The following DMD variants were observed in gnomAD, a reference collection of about 807,000 sequenced individuals.
DMD encodes mutant dystrophin.
A neutral mutation model predicts 330.1 loss-of-function variants in DMD; 63 were observed. That is an observed-to-expected ratio of 0.19 (90% confidence interval 0.16 to 0.24). The LOEUF (loss-of-function observed/expected upper bound fraction) is 0.24, where lower values mean the gene tolerates loss of function less well. Ranked by LOEUF, DMD falls within the 10% of genes least tolerant of loss-of-function variation. The pLI is 1.00. For missense variants in DMD, 3,344 were observed against 2,684.1 expected (o/e 1.25, Z -5.43); for synonymous variants, 1,223 against 959.8 (o/e 1.27, Z -5.07).
In DMD at chrX:31,147,480, T is replaced by C. The variant is rs886043324; in HGVS notation, c.10592A>G (p.His3531Arg). The change falls in exon 75 of 79, where the codon CAC (histidine) becomes CGC (arginine). Residue 3531 changes from histidine (H) to arginine (R), a missense_variant. His to Arg is a conservative substitution (Grantham distance 29). Transcript: ENST00000357033. The part of the protein sequence containing the change: ...QAEYDRLKQQ[H>R]EHKGLSPLPS... The stretch of plus-strand genomic sequence containing the variant: ...CAGTGGGGACAGGCCTTTATGTTCG[T>C]GCTGCTGCTTTAGACGGTCATATTC... 2.6e-5 allele frequency: 31 copies of C among 1,201,560 alleles called. No homozygotes were observed. The highest frequency in any genetic ancestry group is 4.4e-5 in the Admixed American group (2 of 45,133).
intron 1 of DMD, among the ~76,000 whole-genome samples, chrX:33,206,050 C>A (rs1237795949): frequency 9.0e-6 from 1 of 111,574 alleles, no homozygotes; most frequent in Admixed American, 9.6e-5. Context: ...TTTAATAATG[C>A]ATTTTAATGT....
chrX:32,374,292 G>A (rs2097892428), intron 34 of DMD, among the ~76,000 whole-genome samples: 1 of 111,511 alleles, frequency 9.0e-6, no homozygotes, highest in Non-Finnish European at 1.9e-5. Context: ...TTTCTGTACA[G>A]AAGCTTTAAT....
chrX:32,434,374 C>T (rs1049205762), intron 29 of DMD, among the ~76,000 whole-genome samples: 4 of 111,658 alleles, frequency 3.6e-5, no homozygotes, highest in Non-Finnish European at 7.5e-5. Context: ...CGTGCCATTG[C>T]ACTCCAGCCT....
chrX:31,865,773 T>C (rs2093788552), intron 48 of DMD, among the ~76,000 whole-genome samples: 1 of 100,960 alleles, frequency 9.9e-6, no homozygotes, highest in Non-Finnish European at 2.0e-5. Context: ...GTTTAGAACA[T>C]GGAAAATTCT....
intron 47 of DMD, among the ~76,000 whole-genome samples, chrX:31,897,084 C>T (rs1278480294): frequency 9.1e-6 from 1 of 109,478 alleles, no homozygotes; most frequent in Admixed American, 9.7e-5. Context: ...TCCCCCACCC[C>T]ACAACAGTCC....
intron 48 of DMD, among the ~76,000 whole-genome samples, chrX:31,868,397 C>T (rs1236133470): frequency 9.0e-6 from 1 of 111,536 alleles, no homozygotes; most frequent in Non-Finnish European, 1.9e-5. Flanking sequence ...CTGCCTGATC[C>T]CTGTAAAATT....
intron 52 of DMD, among the ~76,000 whole-genome samples, chrX:31,688,943 T>C (rs2082902144): frequency 8.9e-6 from 1 of 111,748 alleles, no homozygotes; most frequent in African/African-American, 3.3e-5. Flanking sequence ...AAACTCTCGA[T>C]AAATTAGGTA....
At chrX:32,811,918 A>T (rs1184281241) in intron 6 of DMD, among the ~76,000 whole-genome samples, 9 of 112,216 alleles carry the variant, frequency 8.0e-5, no homozygotes, top group African/African-American at 2.9e-4. Flanking sequence ...TAGGGAAGGA[A>T]AAAAGCAAAA....
At chrX:33,312,229 T>A (rs2148948591) in intron 1 of DMD, among the ~76,000 whole-genome samples, 1 of 111,029 alleles carries the variant, frequency 9.0e-6, no homozygotes, top group Non-Finnish European at 1.9e-5. Context: ...CATGCCATTT[T>A]TTTCAACCAG....
At chrX:31,227,575 C>T (rs1012440368) in intron 63 of DMD, among the ~76,000 whole-genome samples, 1 of 111,087 alleles carries the variant, frequency 9.0e-6, no homozygotes, top group Non-Finnish European at 1.9e-5. Context: ...ACTGACTTGG[C>T]AATGCGGGCT....
At position 31,444,466 on chromosome X, in the gene DMD, T is replaced by C; in HGVS notation, c.9084+15A>G. The C allele has an allele frequency of 8.3e-7, 1 of 1,210,365 alleles. No individual in the cohort carries two copies. The highest frequency in any genetic ancestry group is 1.7e-5 in the African/African-American group (1 of 57,760). ...TTACTGTAACAAAGGACAACAATGT[T>C]TACAATGTGCTTACCTGCAGAAGCT... On this transcript the variant is annotated intron_variant, in intron 60 of 78. Coordinates refer to ENST00000357033, the MANE Select transcript of DMD (RefSeq NM_004006.3).
At chrX:32,303,680 C>T (rs2097531022) in intron 42 of DMD, among the ~76,000 whole-genome samples, 1 of 110,651 alleles carries the variant, frequency 9.0e-6, no homozygotes, top group Non-Finnish European at 1.9e-5. Context: ...CCATTAGTAA[C>T]TGTTGTGACA....
intron 7 of DMD, among the ~76,000 whole-genome samples, chrX:32,731,084 C>G (rs1412580150): frequency 8.9e-6 from 1 of 111,988 alleles, no homozygotes; most frequent in African/African-American, 3.2e-5. Context: ...CAGGGTGAGG[C>G]ATTGCCTCAC....
At chrX:33,067,093 A>T (rs2094674945) in intron 1 of DMD, among the ~76,000 whole-genome samples, 1 of 112,372 alleles carries the variant, frequency 8.9e-6, no homozygotes, top group Non-Finnish European at 1.9e-5. Flanking sequence ...AAACACAGTT[A>T]AATAAGCAAT....
chrX:33,327,289 C>A (rs1177651556), intron 1 of DMD, among the ~76,000 whole-genome samples: 1 of 111,545 alleles, frequency 9.0e-6, no homozygotes, highest in Non-Finnish European at 1.9e-5. Context: ...AGACTGAGAG[C>A]AAGTTGTTTC....
At chrX:31,798,103 T>C (rs752731138) in intron 50 of DMD, among the ~76,000 whole-genome samples, 1 of 112,327 alleles carries the variant, frequency 8.9e-6, no homozygotes, top group East Asian at 2.8e-4. Context: ...TTGTAAAATA[T>C]ATCGGGTTGA....
intron 48 of DMD, among the ~76,000 whole-genome samples, chrX:31,846,453 A>G (rs2093428462): frequency 1.1e-5 from 1 of 94,807 alleles, no homozygotes; most frequent in Non-Finnish European, 2.3e-5. Flanking sequence ...ACACACACAC[A>G]CACACACACA....
At chrX:31,995,633 G>A (rs1344201385) in intron 44 of DMD, among the ~76,000 whole-genome samples, 1 of 111,300 alleles carries the variant, frequency 9.0e-6, no homozygotes, top group Admixed American at 9.6e-5. Context: ...GAAATAATAG[G>A]GCAAATAACT....
intron 1 of DMD, among the ~76,000 whole-genome samples, chrX:33,272,314 G>A (rs1229830379): frequency 1.8e-5 from 2 of 112,153 alleles, no homozygotes; most frequent in Non-Finnish European, 3.8e-5. Context: ...CTTGGACGAT[G>A]TTGAGTTGGT....
Sources: allele counts gnomAD v4.1 joint callset (sites outside exome capture counted in the v4.1 genomes callset), GRCh38; gene constraint gnomAD v4.1.1; transcripts MANE v1.5; gene names NCBI Gene and HGNC (gene_info 2026-07-23, HGNC 2026-07-21).